KCNQ5: variants seen among roughly 807,000 people sequenced by gnomAD.
KCNQ5 encodes the protein potassium voltage-gated channel subfamily Q member 5.
Under a neutral mutation model 98.2 loss-of-function variants are expected in KCNQ5, and 30 were observed. The ratio of observed to expected loss-of-function variants is 0.31; its 90% CI spans 0.23 to 0.41. The LOEUF (loss-of-function observed/expected upper bound fraction) is 0.41. Ranked by LOEUF, KCNQ5 falls within the 10% of genes least tolerant of loss-of-function variation. The pLI, the probability that KCNQ5 is intolerant of heterozygous loss-of-function variation, is 1.00. For synonymous variants in KCNQ5, 458 were observed against 449.4 expected (o/e 1.02, Z -0.24); for missense variants, 835 against 1,182.5 (o/e 0.71, Z 4.31).
At chr6:72,883,707 C>A (rs1272974421) in intron 1 of KCNQ5, among the ~76,000 whole-genome samples, 2 of 152,076 alleles carry the variant, frequency 1.3e-5, no homozygotes, top group Non-Finnish European at 2.9e-5. Context: ...TTGCTACCTG[C>A]CGGAAAATCT....
intron 2 of KCNQ5, among the ~76,000 whole-genome samples, chr6:73,021,421 G>A (rs1046791886): frequency 2.6e-5 from 4 of 152,156 alleles, no homozygotes; most frequent in African/African-American, 9.6e-5. Flanking sequence ...TTCTCCACAT[G>A]TATTCCTGTT....
chr6:72,871,743 A>G (rs1778214874), intron 1 of KCNQ5, among the ~76,000 whole-genome samples: 1 of 152,166 alleles, frequency 6.6e-6, no homozygotes, highest in Non-Finnish European at 1.5e-5. Flanking sequence ...GTTCCTTGTA[A>G]TGTACTCTGA....
rs533682314 is a variant in KCNQ5, at chr6:72,814,067, G to A, written c.399-189841G>A. 2.6e-5 allele frequency among the ~76,000 whole-genome samples: 4 copies of A among 152,306 alleles called. No individual in the cohort carries two copies. In the South Asian group the frequency reaches 6.2e-4, roughly 24 times the overall value. On this transcript the variant is annotated intron_variant, in intron 1 of 13. Coordinates refer to ENST00000370398, the MANE Select transcript of KCNQ5 (RefSeq NM_019842.4). ...TCAGAGGAGGAAAGAGGGCAAGCAG[G>A]ACTTCTATGAGAGCAAGAGCGTGGC...
At chr6:73,090,717 A>G (rs926472719) in intron 5 of KCNQ5, among the ~76,000 whole-genome samples, 14 of 152,216 alleles carry the variant, frequency 9.2e-5, no homozygotes, top group African/African-American at 2.4e-5. Flanking sequence ...AAAATTATGA[A>G]AAAATGCTCA....
chr6:72,824,026 AT>A (rs1775874896), intron 1 of KCNQ5, among the ~76,000 whole-genome samples: 2 of 152,140 alleles, frequency 1.3e-5, no homozygotes, highest in South Asian at 4.1e-4. Flanking sequence ...ATTAATATTA[AT>A]AAGTACCATT....
intron 13 of KCNQ5, 38 bp from the exon 14 acceptor site, chr6:73,194,414 A>G: frequency 6.5e-7 from 1 of 1,546,440 alleles, no homozygotes; most frequent in Non-Finnish European, 8.7e-7. Flanking sequence ...TCTTAATAAC[A>G]GATTATACTC....
chr6:72,825,528 A>G (rs996184521), intron 1 of KCNQ5, among the ~76,000 whole-genome samples: 4 of 152,204 alleles, frequency 2.6e-5, no homozygotes, highest in African/African-American at 9.6e-5. Context: ...CTGGTGGTCC[A>G]CAGGGAAGGT....
At chr6:73,094,105 G>A (rs372280941) in intron 5 of KCNQ5, among the ~76,000 whole-genome samples, 7 of 152,178 alleles carry the variant, frequency 4.6e-5, no homozygotes, top group South Asian at 4.2e-4. Context: ...GTGCATATAC[G>A]TTTAGGATTG....
intron 1 of KCNQ5, among the ~76,000 whole-genome samples, chr6:72,762,997 T>A (rs538757829): frequency 6.6e-6 from 1 of 152,152 alleles, no homozygotes; most frequent in South Asian, 2.1e-4. Flanking sequence ...TACAATTATA[T>A]TGATAAGCTA....
intron 13 of KCNQ5, 102 bp downstream of exon 13, chr6:73,192,793 A>G: frequency 1.9e-6 from 2 of 1,041,776 alleles, no homozygotes; most frequent in South Asian, 2.7e-5. Flanking sequence ...TAAAATAAAT[A>G]AAATCACAAA....
intron 10 of KCNQ5, chr6:73,157,949 G>A (rs1276565688): frequency 2.2e-5 from 17 of 768,658 alleles, no homozygotes; most frequent in Non-Finnish European, 3.4e-5. Context: ...GCTGTCTCGC[G>A]GTGAGCTTGA....
intron 10 of KCNQ5, among the ~76,000 whole-genome samples, chr6:73,158,964 T>C (rs575928836): frequency 6.6e-6 from 1 of 152,358 alleles, no homozygotes; most frequent in East Asian, 1.9e-4. Flanking sequence ...TATAACTATT[T>C]TTCTATAGTA....
At chr6:72,847,802 G>T (rs1217406896) in intron 1 of KCNQ5, among the ~76,000 whole-genome samples, 2 of 152,188 alleles carry the variant, frequency 1.3e-5, no homozygotes, top group Non-Finnish European at 2.9e-5. Flanking sequence ...ATAGAGGAAA[G>T]CTTCTATCCT....
chr6:72,809,855 T>C (rs1561997919), intron 1 of KCNQ5, among the ~76,000 whole-genome samples: 2 of 152,198 alleles, frequency 1.3e-5, no homozygotes, highest in Non-Finnish European at 2.9e-5. Flanking sequence ...TTTTGTGAAC[T>C]GCTGGAAAAT....
At chr6:72,987,024 C>G (rs879310242) in intron 1 of KCNQ5, 185 of 773,508 alleles carry the variant, frequency 2.4e-4, no homozygotes, top group Middle Eastern at 2.2e-3. Flanking sequence ...GGGAGATGCC[C>G]TCCCAGGCCA....
intron 1 of KCNQ5, among the ~76,000 whole-genome samples, chr6:72,988,649 C>CTTTTTTTTTTTTTTTT (rs71540364): frequency 3.1e-5 from 4 of 127,872 alleles, no homozygotes; most frequent in African/African-American, 2.9e-5. Context: ...GCATGATTTT[C>CTTTTTTTTTTTTTTTT]TTTTTTTTTT....
intron 1 of KCNQ5, among the ~76,000 whole-genome samples, chr6:72,952,417 C>T (rs1766848365): frequency 6.6e-6 from 1 of 152,096 alleles, no homozygotes; most frequent in Admixed American, 6.6e-5. Context: ...ACTTTAGACC[C>T]TTGTGTTGTA....
At chr6:72,627,582 G>C (rs1565040820) in intron 1 of KCNQ5, among the ~76,000 whole-genome samples, 1 of 152,204 alleles carries the variant, frequency 6.6e-6, no homozygotes, top group Non-Finnish European at 1.5e-5. Flanking sequence ...CTTCAGTGGA[G>C]TGCTAAGAGT....
intron 10 of KCNQ5, among the ~76,000 whole-genome samples, chr6:73,163,679 C>T (rs761499079): frequency 2.0e-5 from 3 of 152,250 alleles, no homozygotes; most frequent in Middle Eastern, 3.4e-3. Context: ...ACCCGGGGGG[C>T]GGAGGTTGCA....
Sources: gnomAD v4.1 joint callset for allele counts (sites outside exome capture counted in the v4.1 genomes callset) on GRCh38, gnomAD v4.1.1 for gene constraint, MANE v1.5 for transcripts, NCBI Gene and HGNC (gene_info 2026-07-23, HGNC 2026-07-21) for gene names.